The following CYP7B1 variants were observed in gnomAD, a reference collection of about 807,000 sequenced individuals.
CYP7B1 encodes the protein cytochrome P450 7B1.
CYP7B1 carries 29 observed loss-of-function variants against 42.7 expected under a neutral mutation model. The ratio of observed to expected loss-of-function variants is 0.68; its 90% CI spans 0.51 to 0.93. The LOEUF is 0.93. Among genes scored for constraint, CYP7B1 ranks in the 40% least tolerant of loss-of-function variants. The pLI is 0.00. For synonymous variants in CYP7B1, 235 were observed against 218.2 expected, an observed-to-expected ratio of 1.08 and a Z score of -0.68; for missense variants, 655 against 600.5, an observed-to-expected ratio of 1.09 and a Z score of -0.95.
intron 1 of CYP7B1, among the ~76,000 whole-genome samples, chr8:64,702,274 G>A (rs900625049): frequency 6.6e-6 from 1 of 152,032 alleles, no homozygotes; most frequent in African/African-American, 2.4e-5. Flanking sequence ...TAACTCTATA[G>A]TAGTTATGAA....
intron 1 of CYP7B1, among the ~76,000 whole-genome samples, chr8:64,691,560 GT>G: frequency 6.7e-6 from 1 of 150,058 alleles, no homozygotes; most frequent in East Asian, 2.0e-4. Flanking sequence ...CAATAGGCTT[GT>G]TTCTACTCAT....
chr8:64,708,021 T>G (rs1585868909), intron 1 of CYP7B1, among the ~76,000 whole-genome samples: 1 of 152,110 alleles, frequency 6.6e-6, no homozygotes, highest in Non-Finnish European at 1.5e-5. Context: ...TCAGGATATG[T>G]ACAATGCCCT....
chr8:64,627,589 G>C (rs1212494210), intron 1 of CYP7B1, among the ~76,000 whole-genome samples: 2 of 152,176 alleles, frequency 1.3e-5, no homozygotes, highest in East Asian at 3.8e-4. Context: ...TTGGTCAAAA[G>C]CTGTATTCTT....
At chr8:64,688,393 TCCTTC>T (rs1806688640) in intron 1 of CYP7B1, among the ~76,000 whole-genome samples, 1 of 109,096 alleles carries the variant, frequency 9.2e-6, no homozygotes, top group African/African-American at 3.5e-5. Context: ...CCTCCCACCC[TCCTTC>T]CCTTCTTTTC....
rs780544242 is a variant in CYP7B1, at chr8:64,616,149, T to C, written c.392A>G (p.Asn131Ser). Reference sequence around the variant, plus strand: ...GTGAAGCTCATCATTCATGTCATGATTTTTTTGCAACTGACTGATGCTAAA... The same window carrying C: ...GTGAAGCTCATCATTCATGTCATGACTTTTTTGCAACTGACTGATGCTAAA... Reference protein sequence around the residue: ...KAFSISQLQKNHDMNDELHLC... With the variant: ...KAFSISQLQKSHDMNDELHLC... Residue 131 changes from asparagine (N) to serine (S), a missense_variant, in exon 3 of 6, where the codon AAT becomes AGT. Coordinates refer to ENST00000310193, the MANE Select transcript of CYP7B1 (RefSeq NM_004820.5). The C allele has an allele frequency of 5.0e-6, 8 of 1,613,498 alleles. No individual in the cohort carries two copies. Among genetic ancestry groups the C allele is most frequent in the Non-Finnish European group, 6.8e-6 (8 of 1,179,690 alleles).
intron 1 of CYP7B1, among the ~76,000 whole-genome samples, chr8:64,747,648 T>C (rs1053147640): frequency 6.6e-6 from 1 of 151,720 alleles, no homozygotes; most frequent in Non-Finnish European, 1.5e-5. Flanking sequence ...ACCGTGCAGT[T>C]CAAATCCATG....
intron 1 of CYP7B1, among the ~76,000 whole-genome samples, chr8:64,629,330 G>A (rs1408990440): frequency 4.0e-5 from 6 of 151,604 alleles, no homozygotes; most frequent in Admixed American, 6.6e-5. Context: ...TAGGCTAGGC[G>A]TTCAGGTTAT....
chr8:64,700,873 A>G (rs1181140982), intron 1 of CYP7B1, among the ~76,000 whole-genome samples: 1 of 152,126 alleles, frequency 6.6e-6, no homozygotes, highest in Non-Finnish European at 1.5e-5. Context: ...GAAGAACTGA[A>G]GCCACCACTA....
intron 1 of CYP7B1, among the ~76,000 whole-genome samples, chr8:64,632,422 A>C (rs886503887): frequency 6.6e-6 from 1 of 151,992 alleles, no homozygotes; most frequent in East Asian, 1.9e-4. Context: ...GGGGAGAGGG[A>C]GGAAATGGGG....
chr8:64,795,279 A>G (rs928226381), intron 1 of CYP7B1, among the ~76,000 whole-genome samples: 9 of 152,222 alleles, frequency 5.9e-5, no homozygotes, highest in African/African-American at 2.2e-4. Flanking sequence ...AGCAAAACTG[A>G]CTCAGAACTC....
chr8:64,636,785 G>C (rs7841297), intron 1 of CYP7B1, among the ~76,000 whole-genome samples: 128,912 of 152,158 alleles, frequency 0.85, 54,860 homozygotes, highest in Middle Eastern at 0.9. Context: ...AGGAGAAAGC[G>C]AGTCAAAAAT....
At chr8:64,684,616 C>T (rs1337840716) in intron 1 of CYP7B1, among the ~76,000 whole-genome samples, 2 of 152,028 alleles carry the variant, frequency 1.3e-5, no homozygotes, top group Non-Finnish European at 2.9e-5. Context: ...ACATTTCTTC[C>T]CAGTTCAAAG....
At chr8:64,743,045 A>G (rs1807592927) in intron 1 of CYP7B1, among the ~76,000 whole-genome samples, 1 of 152,194 alleles carries the variant, frequency 6.6e-6, no homozygotes, top group African/African-American at 2.4e-5. Flanking sequence ...CAAGGTACCT[A>G]TGATACCCTC....
At chr8:64,762,579 T>C (rs143789411) in intron 1 of CYP7B1, among the ~76,000 whole-genome samples, 1 of 152,342 alleles carries the variant, frequency 6.6e-6, no homozygotes, top group African/African-American at 2.4e-5. Flanking sequence ...CGTGGTTTCA[T>C]AATGCAATGA....
intron 2 of CYP7B1, among the ~76,000 whole-genome samples, chr8:64,618,018 A>G (rs889938394): frequency 1.4e-5 from 2 of 147,462 alleles, no homozygotes; most frequent in Non-Finnish European, 3.0e-5. Flanking sequence ...AGAAGTGGCT[A>G]TTCATTCTGG....
chr8:64,740,520 A>G (rs529295281), intron 1 of CYP7B1, among the ~76,000 whole-genome samples: 1 of 152,032 alleles, frequency 6.6e-6, no homozygotes, highest in African/African-American at 2.4e-5. Context: ...TAAAATTACA[A>G]TTAGGAAAAA....
intron 1 of CYP7B1, among the ~76,000 whole-genome samples, chr8:64,706,421 T>A (rs989350373): frequency 1.3e-5 from 2 of 152,060 alleles, no homozygotes; most frequent in Non-Finnish European, 2.9e-5. Flanking sequence ...AGAGTGTTCA[T>A]CATTTAAGCA....
intron 1 of CYP7B1, among the ~76,000 whole-genome samples, chr8:64,710,772 G>T (rs1469833877): frequency 6.7e-6 from 1 of 149,896 alleles, no homozygotes; most frequent in Non-Finnish European, 1.5e-5. Flanking sequence ...TGTATAAAAA[G>T]TACATATAAA....
intron 1 of CYP7B1, among the ~76,000 whole-genome samples, chr8:64,657,761 C>A (rs1260560237): frequency 6.6e-6 from 1 of 152,170 alleles, no homozygotes; most frequent in Non-Finnish European, 1.5e-5. Flanking sequence ...ATCCTAAAGA[C>A]TTTCCTACTA....
Sources: gnomAD v4.1 joint callset for allele counts (sites outside exome capture counted in the v4.1 genomes callset) on GRCh38, gnomAD v4.1.1 for gene constraint, MANE v1.5 for transcripts, NCBI Gene and HGNC (gene_info 2026-07-23, HGNC 2026-07-21) for gene names.